Variants in VAV3 observed in about 807,000 individuals in gnomAD.
VAV3 encodes guanine nucleotide exchange factor VAV3.
A neutral mutation model predicts 131.2 loss-of-function variants in VAV3; 94 were observed. The ratio of observed to expected loss-of-function variants is 0.72; its 90% confidence interval spans 0.61 to 0.85. VAV3 has a LOEUF of 0.85. Ranked by LOEUF, VAV3 falls within the 40% of genes least tolerant of loss-of-function variation. The probability of loss-of-function intolerance (pLI) is 0.00; values close to 1 mark genes in which losing one functional copy is unlikely to be tolerated. For synonymous variants in VAV3, 349 were observed against 342.0 expected (o/e 1.02, Z -0.22); for missense variants, 939 against 1,002.7 (o/e 0.94, Z 0.86).
Position 107,749,499 on chromosome 1 carries a change from A to G in VAV3, c.1355T>C (p.Ile452Thr). 1.2e-6 allele frequency: 2 copies of G among 1,611,370 alleles called. No individual in the cohort carries two copies. The highest frequency in any genetic ancestry group is 1.7e-6 in the Non-Finnish European group (2 of 1,179,232). Residue 452 changes from isoleucine (I) to threonine (T), a missense_variant, in exon 14 of 27, where the codon ATA (isoleucine) becomes ACA (threonine). Ile to Thr is a moderately conservative substitution (Grantham distance 89). Transcript: ENST00000370056. ...TTTATCGGTTGTAGGATTATTGGCT[A>G]TCTTGTACTGCTGAAGATCTATTAT... The part of the protein sequence containing the change: ...KEIIDLQQYK[I>T]ANNPTTDKEN...
chr1:107,850,606 G>C (rs951539341), intron 2 of VAV3, among the ~76,000 whole-genome samples: 5 of 152,016 alleles, frequency 3.3e-5, no homozygotes, highest in African/African-American at 1.2e-4. Flanking sequence ...TGCATTAGGA[G>C]AAGTACCTAG....
chr1:107,809,910 T>C lies in VAV3; in HGVS notation c.322-30418A>G, dbSNP rs1026267902. Among the ~76,000 whole-genome samples the C allele has an allele frequency of 5.3e-5, 8 of 152,316 alleles. No homozygotes were observed. In the East Asian group the frequency reaches 1.5e-3, roughly 29 times the overall value. ...AGGATCTCAATTTCCTAGAGAAACG[T>C]TGCCAGGAAGGTTTTAAGAATAGTT... On this transcript the variant is annotated intron_variant, in intron 2 of 26. Coordinates refer to ENST00000370056, the MANE Select transcript of VAV3 (RefSeq NM_006113.5).
At chr1:107,676,531 G>A (rs902246944) in intron 19 of VAV3, among the ~76,000 whole-genome samples, 2 of 152,174 alleles carry the variant, frequency 1.3e-5, no homozygotes, top group African/African-American at 4.8e-5. Flanking sequence ...AATGATATCA[G>A]TTGGAGTCCC....
chr1:107,734,547 A>ATG (rs1662468023), intron 15 of VAV3, among the ~76,000 whole-genome samples: 1 of 152,194 alleles, frequency 6.6e-6, no homozygotes, highest in Non-Finnish European at 1.5e-5. Context: ...AAAGAAAAGC[A>ATG]GGCCTTGCAA....
intron 1 of VAV3, among the ~76,000 whole-genome samples, chr1:107,880,639 T>C (rs972444812): frequency 6.6e-6 from 1 of 151,880 alleles, no homozygotes; most frequent in Admixed American, 6.6e-5. Context: ...CTGCTAAAAA[T>C]ACAAAGATTA....
intron 2 of VAV3, among the ~76,000 whole-genome samples, chr1:107,813,393 T>C (rs368927708): frequency 2.6e-5 from 4 of 152,158 alleles, no homozygotes; most frequent in African/African-American, 9.7e-5. Context: ...GGGATCCAAA[T>C]TGGCATACTG....
At chr1:107,903,231 C>A (rs1348552978) in intron 1 of VAV3, among the ~76,000 whole-genome samples, 1 of 152,066 alleles carries the variant, frequency 6.6e-6, no homozygotes, top group African/African-American at 2.4e-5. Flanking sequence ...CAGAAGAAAA[C>A]CAGCACCTCC....
chr1:107,665,654 G>A (rs1240084853), intron 19 of VAV3, among the ~76,000 whole-genome samples: 4 of 152,172 alleles, frequency 2.6e-5, no homozygotes, highest in Admixed American at 2.0e-4. Flanking sequence ...GGTCAAGGGT[G>A]GGAGCTAACT....
chr1:107,571,556 A>C lies in VAV3; in HGVS notation c.*1775T>G, dbSNP rs542013070. ...GTGTGAGGCTGCTCCCTCCATAACAAAGTTCGGCTGACGGCAACAGACAAA... is the reference window on the plus strand; with the variant it reads ...GTGTGAGGCTGCTCCCTCCATAACACAGTTCGGCTGACGGCAACAGACAAA... On this transcript the variant is annotated 3_prime_UTR_variant, in exon 27 of 27. Transcript: ENST00000370056. 2.2e-4 allele frequency: 34 copies of C among 152,646 alleles called. No homozygotes were observed. Among genetic ancestry groups the C allele is most frequent in the African/African-American group, 8.2e-4 (34 of 41,546 alleles). 9.5% of individuals were successfully genotyped at this position (152,646 alleles called of 1,614,324 possible). A position where few individuals can be genotyped will look rare whatever the true frequency, so the allele number is the denominator to read the frequency against.
At chr1:107,668,052 T>C (rs1265004668) in intron 19 of VAV3, among the ~76,000 whole-genome samples, 2 of 152,168 alleles carry the variant, frequency 1.3e-5, no homozygotes, top group African/African-American at 4.8e-5. Flanking sequence ...AACCCTGCCT[T>C]AAGCCTTCAC....
chr1:107,705,103 A>G, intron 15 of VAV3, 42 bp from the exon 16 acceptor site: 1 of 1,475,020 alleles, frequency 6.8e-7, no homozygotes, highest in Non-Finnish European at 9.4e-7. Flanking sequence ...AAAGTTTCAC[A>G]ACAAAGCTGC....
At chr1:107,793,078 A>G (rs1393680042) in intron 2 of VAV3, among the ~76,000 whole-genome samples, 11 of 152,234 alleles carry the variant, frequency 7.2e-5, no homozygotes, top group African/African-American at 2.7e-4. Flanking sequence ...ATGTACACAC[A>G]CATACCAGAA....
intron 15 of VAV3, among the ~76,000 whole-genome samples, chr1:107,734,716 T>C (rs1374466528): frequency 1.3e-5 from 2 of 152,102 alleles, no homozygotes; most frequent in South Asian, 2.1e-4. Context: ...AAAGCAAGTC[T>C]TTAGAGACCT....
At chr1:107,631,112 C>A (rs1162345703) in intron 20 of VAV3, among the ~76,000 whole-genome samples, 3 of 151,848 alleles carry the variant, frequency 2.0e-5, no homozygotes, top group Admixed American at 1.3e-4. Flanking sequence ...AAAAGGTACC[C>A]CTTATTTGGT....
At chr1:107,768,352 G>A (rs1664850247) in intron 7 of VAV3, 89 bp downstream of exon 7, 1 of 934,998 alleles carries the variant, frequency 1.1e-6, no homozygotes, top group Non-Finnish European at 1.6e-6. Context: ...TAATACAAAA[G>A]AGTATTAAAA....
intron 1 of VAV3, among the ~76,000 whole-genome samples, chr1:107,928,173 C>T (rs1029963416): frequency 1.3e-5 from 2 of 152,160 alleles, no homozygotes; most frequent in African/African-American, 4.8e-5. Flanking sequence ...AAGGCGGTGC[C>T]TCTACAACTC....
rs115831168 is a variant in VAV3 at position 107,913,800 on chromosome 1, A to G, written c.205-38783T>C. Among the ~76,000 whole-genome samples, 968 of 152,056 alleles carry G rather than the reference A, an allele frequency of 6.4e-3. 11 individuals are homozygous for G. Among genetic ancestry groups the G allele is most frequent in the African/African-American group, 0.022 (928 of 41,482 alleles). Reference sequence around the variant, plus strand: ...ACTTCACAAATTATTATTTTTTTTAATTATTATTATTTTGAGGTGGAGTCT... The same window carrying G: ...ACTTCACAAATTATTATTTTTTTTAGTTATTATTATTTTGAGGTGGAGTCT... On this transcript the variant is annotated intron_variant, in intron 1 of 26. Coordinates refer to ENST00000370056, the MANE Select transcript of VAV3 (RefSeq NM_006113.5).
At chr1:107,575,028 T>C (rs200898294) in intron 25 of VAV3, among the ~76,000 whole-genome samples, 107 of 52,672 alleles carry the variant, frequency 2.0e-3, no homozygotes, top group East Asian at 4.8e-3. Flanking sequence ...CACGCGCGCG[T>C]GTTTAATATT....
At chr1:107,600,154 T>A (rs1294180850) in intron 24 of VAV3, among the ~76,000 whole-genome samples, 1 of 152,130 alleles carries the variant, frequency 6.6e-6, no homozygotes, top group Non-Finnish European at 1.5e-5. Flanking sequence ...TTTAGAATGG[T>A]TAAGTCCTTT....
Sources: gnomAD v4.1 joint callset for allele counts (sites outside exome capture counted in the v4.1 genomes callset) on GRCh38, gnomAD v4.1.1 for gene constraint, MANE v1.5 for transcripts, NCBI Gene and HGNC (gene_info 2026-07-23, HGNC 2026-07-21) for gene names.